Variants in TBL1XR1 observed in about 807,000 individuals in gnomAD.
The protein encoded by TBL1XR1 is F-box-like/WD repeat-containing protein TBL1XR1.
A neutral mutation model predicts 66.9 loss-of-function variants in TBL1XR1; 5 were observed. The ratio of observed to expected loss-of-function variants is 0.07; its 90% CI spans 0.04 to 0.16. The LOEUF (loss-of-function observed/expected upper bound fraction) is 0.16. TBL1XR1 is among the 10% of genes least tolerant of loss of function. The pLI, the probability that TBL1XR1 is intolerant of heterozygous loss-of-function variation, is 1.00. For synonymous variants in TBL1XR1, 210 were observed against 206.0 expected, an observed-to-expected ratio of 1.02 and a Z score of -0.17; for missense variants, 238 against 623.2, an observed-to-expected ratio of 0.38 and a Z score of 6.58.
chr3:177,158,558 A>C (rs993796480), intron 1 of TBL1XR1, among the ~76,000 whole-genome samples: 4 of 152,004 alleles, frequency 2.6e-5, no homozygotes, highest in African/African-American at 9.7e-5. Flanking sequence ...ACTACAACTG[A>C]CAGAAGAGCC....
At chr3:177,071,881 T>A (rs570127447) in intron 2 of TBL1XR1, among the ~76,000 whole-genome samples, 1 of 152,150 alleles carries the variant, frequency 6.6e-6, no homozygotes, top group Non-Finnish European at 1.5e-5. Context: ...TTTCACAGGA[T>A]GAGAGAAAAC....
At chr3:177,181,605 C>T (rs1197503144) in intron 1 of TBL1XR1, among the ~76,000 whole-genome samples, 1 of 99,178 alleles carries the variant, frequency 1.0e-5, no homozygotes, top group East Asian at 4.6e-4. Flanking sequence ...AGGAGGAGGT[C>T]GGAAGAACCA....
At chr3:177,083,005 G>A (rs187796372) in intron 2 of TBL1XR1, among the ~76,000 whole-genome samples, 13 of 151,504 alleles carry the variant, frequency 8.6e-5, no homozygotes, top group East Asian at 7.8e-4. Context: ...TGATCCATCC[G>A]TCTCGGCCTC....
chr3:177,177,060 A>G (rs1449343872), intron 1 of TBL1XR1, among the ~76,000 whole-genome samples: 1 of 152,186 alleles, frequency 6.6e-6, no homozygotes, highest in African/African-American at 2.4e-5. Flanking sequence ...GGTTGCTCCT[A>G]AATCCCAGCT....
intron 7 of TBL1XR1, 124 bp from the exon 8 acceptor site, chr3:177,047,673 G>C: frequency 2.6e-6 from 3 of 1,134,896 alleles, no homozygotes; most frequent in Non-Finnish European, 2.5e-6. Flanking sequence ...TTCAAAACTT[G>C]TCAGTTTTGC....
intron 10 of TBL1XR1, among the ~76,000 whole-genome samples, chr3:177,045,732 G>GGTA (rs1158054359): frequency 6.6e-6 from 1 of 151,898 alleles, no homozygotes; most frequent in African/African-American, 2.4e-5. Context: ...ATAACAAACA[G>GGTA]GTATTATTAT....
At chr3:177,148,143 A>G (rs1487244793) in intron 1 of TBL1XR1, among the ~76,000 whole-genome samples, 1 of 152,262 alleles carries the variant, frequency 6.6e-6, no homozygotes, top group Non-Finnish European at 1.5e-5. Flanking sequence ...TAAATAACCA[A>G]CTCACCAATT....
chr3:177,101,691 G>GAAATC (rs1379112154), intron 1 of TBL1XR1, among the ~76,000 whole-genome samples: 2 of 152,110 alleles, frequency 1.3e-5, no homozygotes, highest in Non-Finnish European at 2.9e-5. Flanking sequence ...GGAACTATAA[G>GAAATC]AAATCAATTT....
rs147078208 is a variant in TBL1XR1, at chr3:177,173,005, T to A, written c.-122+24116A>T. ...CTGAACAACAAGGAGAAACCTCGTA[T>A]CTACTAAACACAAACAAACAAAAAA... On this transcript the variant is annotated intron_variant, in intron 1 of 15. Transcript: ENST00000457928. 9.0e-3 allele frequency among the ~76,000 whole-genome samples: 1,374 copies of A among 152,176 alleles called. 13 individuals carry two copies. Among genetic ancestry groups the A allele is most frequent in the Non-Finnish European group, 0.013 (898 of 67,998 alleles).
intron 2 of TBL1XR1, among the ~76,000 whole-genome samples, chr3:177,069,793 A>AAAGGAAAGGAAGGAAGGATGG (rs1231504351): frequency 1.1e-5 from 1 of 92,342 alleles, no homozygotes; most frequent in African/African-American, 4.6e-5. Flanking sequence ...AAAAGGAAGG[A>AAAGGAAAGGAAGGAAGGATGG]AAGGAAGGAA....
intron 1 of TBL1XR1, among the ~76,000 whole-genome samples, chr3:177,139,059 A>G (rs995779437): frequency 6.6e-6 from 1 of 152,220 alleles, no homozygotes; most frequent in Non-Finnish European, 1.5e-5. Context: ...ATTTGCCAAA[A>G]CCTAATAGTA....
chr3:177,069,111 A>G (rs550539036), intron 2 of TBL1XR1, among the ~76,000 whole-genome samples: 2 of 152,352 alleles, frequency 1.3e-5, no homozygotes, highest in African/African-American at 4.8e-5. Context: ...TGTCATCTAT[A>G]AAATGAGAAA....
At chr3:177,149,601 C>G (rs927220050) in intron 1 of TBL1XR1, among the ~76,000 whole-genome samples, 4 of 152,112 alleles carry the variant, frequency 2.6e-5, no homozygotes, top group African/African-American at 9.7e-5. Flanking sequence ...TGAAACAAAA[C>G]TCATCACCAT....
intron 10 of TBL1XR1, among the ~76,000 whole-genome samples, chr3:177,040,014 C>A (rs1019253174): frequency 1.3e-5 from 2 of 152,128 alleles, no homozygotes; most frequent in African/African-American, 4.8e-5. Flanking sequence ...AAAGAAAAAA[C>A]TTAAAGGGGA....
chr3:177,197,816 G>A (rs1027321492), upstream of TBL1XR1, among the ~76,000 whole-genome samples: 3 of 147,358 alleles, frequency 2.0e-5, no homozygotes, highest in Non-Finnish European at 3.0e-5. Context: ...AGCCCCGCGG[G>A]CACTCGAAGG....
At chr3:177,050,431 C>T in intron 6 of TBL1XR1, 47 bp downstream of exon 6, 1 of 1,598,798 alleles carries the variant, frequency 6.3e-7, no homozygotes, top group Non-Finnish European at 8.5e-7. Flanking sequence ...ATAAAATGTT[C>T]AATAAGATAT....
At chr3:177,148,659 G>A (rs896020927) in intron 1 of TBL1XR1, among the ~76,000 whole-genome samples, 4 of 148,004 alleles carry the variant, frequency 2.7e-5, no homozygotes, top group African/African-American at 1.0e-4. Flanking sequence ...AGATTGCAGT[G>A]AGCCGAGATC....
chr3:177,082,801 G>GCT (rs1479768238), intron 2 of TBL1XR1, among the ~76,000 whole-genome samples: 2 of 118,994 alleles, frequency 1.7e-5, no homozygotes, highest in Non-Finnish European at 3.4e-5. Flanking sequence ...TGTTGCCCAG[G>GCT]CTGACGGGCA....
chr3:177,035,413 ATTTTTTT>A (rs71798306), intron 12 of TBL1XR1, among the ~76,000 whole-genome samples: 19 of 130,802 alleles, frequency 1.5e-4, no homozygotes, highest in Non-Finnish European at 2.4e-4. Flanking sequence ...CCCTGCCCCA[ATTTTTTT>A]TTTTTTTTTT....
Sources: allele counts gnomAD v4.1 joint callset (sites outside exome capture counted in the v4.1 genomes callset), GRCh38; gene constraint gnomAD v4.1.1; transcripts MANE v1.5; gene names NCBI Gene and HGNC (gene_info 2026-07-23, HGNC 2026-07-21).